The following SI variants were observed in gnomAD, a reference collection of about 807,000 sequenced individuals.
SI encodes sucrase-isomaltase, intestinal.
A neutral mutation model predicts 253.3 loss-of-function variants in SI; 235 were observed. That is an observed-to-expected ratio of 0.93 (90% CI 0.83 to 1.03). SI has a LOEUF of 1.03. Among genes scored for constraint, SI ranks in the 50% least tolerant of loss-of-function variants. The pLI is 0.00. For synonymous variants in SI, 819 were observed against 712.0 expected, an observed-to-expected ratio of 1.15 and a Z score of -2.39; for missense variants, 2,442 against 2,211.1, an observed-to-expected ratio of 1.10 and a Z score of -2.09.
At chr3:165,023,891 C>T (rs1418278388) in intron 25 of SI, 115 bp from the exon 26 acceptor site, 2 of 770,976 alleles carry the variant, frequency 2.6e-6, no homozygotes, top group Non-Finnish European at 4.5e-6. Context: ...TTCATTAATA[C>T]AAAAATGAAA....
chr3:165,062,261 T>A (rs1299575984), intron 9 of SI, 110 bp downstream of exon 9: 3 of 662,542 alleles, frequency 4.5e-6, no homozygotes, highest in African/African-American at 1.9e-5. Flanking sequence ...TTCGAAAACA[T>A]TTAGCTAAGA....
chr3:165,030,681 T>C (rs746094454), intron 25 of SI, 31 bp downstream of exon 25: 1 of 1,600,844 alleles, frequency 6.2e-7, no homozygotes. Flanking sequence ...GTGATAACCA[T>C]ATCATGAGTA....
At chr3:165,056,895 C>CTAT (rs1405748551) in intron 12 of SI, among the ~76,000 whole-genome samples, 1 of 152,008 alleles carries the variant, frequency 6.6e-6, no homozygotes, top group Non-Finnish European at 1.5e-5. Context: ...ACTGTGAAGA[C>CTAT]TATTATAAAT....
chr3:165,040,075 T>A (rs1196115765), intron 18 of SI, 104 bp from the exon 19 acceptor site: 3 of 866,168 alleles, frequency 3.5e-6, no homozygotes, highest in Non-Finnish European at 5.9e-6. Context: ...ATTGTTGTTA[T>A]CTTGAATTGT....
At chr3:165,011,155 C>G (rs564828945) in intron 34 of SI, among the ~76,000 whole-genome samples, 1 of 152,174 alleles carries the variant, frequency 6.6e-6, no homozygotes, top group East Asian at 1.9e-4. Flanking sequence ...CTTCCCTCTA[C>G]TAACTTTAAG....
Position 165,055,300 on chromosome 3 carries a change from G to A in SI, c.1406C>T (p.Pro469Leu), listed in dbSNP as rs769377188. 6.4e-7 allele frequency: 1 copy of A among 1,557,074 alleles called. No individual in the cohort carries two copies. Among genetic ancestry groups the A allele is most frequent in the Non-Finnish European group, 8.9e-7 (1 of 1,129,690 alleles). ...GSTPIIGEVW[P>L]GLTVYPDFTN... is the part of the protein sequence containing the mutation. Reference sequence around the variant, plus strand: ...GAAATCAGGGTATACTGTTAATCCTGGCCATACCTAGAAGAATAGATCATT... The same window carrying A: ...GAAATCAGGGTATACTGTTAATCCTAGCCATACCTAGAAGAATAGATCATT... The change falls in exon 13 of 48, where the codon CCA (proline) becomes CTA (leucine). Residue 469 changes from proline to leucine, a missense_variant. Physicochemically the swap from Pro to Leu is moderately conservative, Grantham distance 98. Transcript: ENST00000264382.
chr3:165,017,810 T>C lies in SI; in HGVS notation c.3584A>G (p.Tyr1195Cys), dbSNP rs1006286161. 1.9e-6 allele frequency: 3 copies of C among 1,613,006 alleles called. No homozygotes were observed. Among genetic ancestry groups the C allele is most frequent in the Admixed American group, 3.3e-5 (2 of 59,910 alleles). ...TTCTGGAGTTGGGCCCAAAAACATATAAAAATCCAAGATCCCTCCAACTGT... is the reference window on the plus strand; with the variant it reads ...TTCTGGAGTTGGGCCCAAAAACATACAAAAATCCAAGATCCCTCCAACTGT... Reference protein sequence around the residue: ...YRTVGGILDFYMFLGPTPEVA... With the variant: ...YRTVGGILDFCMFLGPTPEVA... Residue 1195 changes from tyrosine to cysteine, a missense_variant, in exon 30 of 48, where the codon TAT becomes TGT. By Grantham distance (194) the Tyr-to-Cys change is radical. Transcript: ENST00000264382.
intron 37 of SI, among the ~76,000 whole-genome samples, chr3:165,000,537 A>G (rs2108142902): frequency 6.6e-6 from 1 of 151,638 alleles, no homozygotes; most frequent in South Asian, 2.1e-4. Flanking sequence ...TGAAAACATC[A>G]CAATGTACTC....
At chr3:165,013,214 T>A (rs963468533) in intron 33 of SI, among the ~76,000 whole-genome samples, 172 bp from the exon 34 acceptor site, 1 of 152,130 alleles carries the variant, frequency 6.6e-6, no homozygotes. Context: ...TGCAAACTAT[T>A]CCCATTTTCC....
At chr3:165,047,799 A>G (rs1389963157) in intron 15 of SI, among the ~76,000 whole-genome samples, 2 of 151,354 alleles carry the variant, frequency 1.3e-5, no homozygotes, top group Non-Finnish European at 2.9e-5. Context: ...ACATTTTCAA[A>G]TATTAGCAGG....
intron 37 of SI, among the ~76,000 whole-genome samples, chr3:165,003,225 T>C (rs1239589047): frequency 3.3e-5 from 5 of 151,936 alleles, no homozygotes. Flanking sequence ...TCCTGTCTTC[T>C]GTGGAGAGGA....
chr3:165,069,132 A>G lies in SI; in HGVS notation c.319T>C (p.Phe107Leu). The G allele has an allele frequency of 1.9e-6, 3 of 1,613,658 alleles. No individual in the cohort carries two copies. The highest frequency in any genetic ancestry group is 1.7e-6 in the Non-Finnish European group (2 of 1,179,736). The change falls in exon 4 of 48, where the codon TTC becomes CTC. Residue 107 changes from phenylalanine (F) to leucine (L), a missense_variant. Coordinates refer to ENST00000264382, the MANE Select transcript of SI (RefSeq NM_001041.4). ...PWNDSLIPWC[F>L]FVDNHGYNVQ... The stretch of plus-strand genomic sequence containing the variant: ...TTATAACCATGATTATCAACGAAGA[A>G]GCACCAAGGAATAAGAGAGTCATTC...
Position 164,995,942 on chromosome 3 carries a change from C to A in SI, c.4692+593G>T, listed in dbSNP as rs142502511. On this transcript the variant is annotated intron_variant, in intron 40 of 47. Coordinates refer to ENST00000264382, the MANE Select transcript of SI (RefSeq NM_001041.4). ...CCCCAAGCTTTCATTGATTCATGCT[C>A]TACTTTCCCAATATTACAGCTTTCT... Among the ~76,000 whole-genome samples, 277 of 151,864 alleles carry A rather than the reference C, an allele frequency of 1.8e-3. 2 individuals are homozygous for A. Among genetic ancestry groups the A allele is most frequent in the African/African-American group, 6.2e-3 (258 of 41,506 alleles).
chr3:165,019,639 T>C lies in SI; in HGVS notation c.3386A>G (p.Asn1129Ser). 6.2e-7 allele frequency: 1 copy of C among 1,612,676 alleles called. No homozygotes were observed. The highest frequency in any genetic ancestry group is 8.5e-7 in the Non-Finnish European group (1 of 1,179,080). The change falls in exon 28 of 48, where the codon AAT becomes AGT. Residue 1129 changes from asparagine to serine, a missense_variant. Coordinates refer to ENST00000264382, the MANE Select transcript of SI (RefSeq NM_001041.4). ...HTAFKRDLNW[N>S]TWGMFTRDQP... ...GTCTCTTGTGAACATTCCCCAAGTATTCCAGTTCAGATCTCGCTTAAATGC... is the reference window on the plus strand; with the variant it reads ...GTCTCTTGTGAACATTCCCCAAGTACTCCAGTTCAGATCTCGCTTAAATGC...
chr3:165,027,642 G>T (rs149194735), intron 25 of SI, among the ~76,000 whole-genome samples: 2 of 151,208 alleles, frequency 1.3e-5, no homozygotes, highest in East Asian at 3.9e-4. Context: ...CTAGGGATAC[G>T]GGGATGGTTT....
rs1718932438 is a variant in SI at position 165,014,480 on chromosome 3, A to T, written c.3999+643T>A. 3.3e-5 allele frequency among the ~76,000 whole-genome samples: 5 copies of T among 152,168 alleles called. No homozygotes were observed. The South Asian group carries it at 1.0e-3, about 32-fold the overall frequency. On this transcript the variant is annotated intron_variant, in intron 33 of 47. Transcript: ENST00000264382. ...TAGCCAGGATGGTCTCGATCTCCTG[A>T]TCTCATGATCCGCCCGCCTTGGCCT...
chr3:165,002,819 G>C (rs2108147271), intron 37 of SI, among the ~76,000 whole-genome samples: 1 of 151,830 alleles, frequency 6.6e-6, no homozygotes, highest in Non-Finnish European at 1.5e-5. Context: ...ATATAAGACT[G>C]TATAAAATAG....
intron 38 of SI, among the ~76,000 whole-genome samples, chr3:164,997,658 T>C (rs1035946715): frequency 1.3e-5 from 2 of 151,618 alleles, no homozygotes; most frequent in African/African-American, 2.4e-5. Context: ...CAACTTCATA[T>C]AGGCCCTGGT....
At chr3:165,078,301 C>T (rs931402257) in intron 1 of SI, 132 bp downstream of exon 1, 1 of 151,510 alleles carries the variant, frequency 6.6e-6, no homozygotes, top group Non-Finnish European at 1.5e-5. Flanking sequence ...TTTCAAATGG[C>T]AACTTAAAAT....
Sources: gnomAD v4.1 joint callset for allele counts (sites outside exome capture counted in the v4.1 genomes callset) on GRCh38, gnomAD v4.1.1 for gene constraint, MANE v1.5 for transcripts, NCBI Gene and HGNC (gene_info 2026-07-23, HGNC 2026-07-21) for gene names.